The following DENND2B variants were observed in gnomAD, a reference collection of about 807,000 sequenced individuals.
DENND2B encodes DENN domain-containing protein 2B.
Under a neutral mutation model 116.0 loss-of-function variants are expected in DENND2B, and 32 were observed. The observed-to-expected ratio is 0.28, with a 90% CI of 0.21 to 0.37. The LOEUF (loss-of-function observed/expected upper bound fraction) is 0.37. DENND2B is among the 10% of genes least tolerant of loss of function. DENND2B has a pLI of 1.00. For synonymous variants in DENND2B, 588 were observed against 583.9 expected (o/e 1.01, Z -0.10); for missense variants, 1,276 against 1,477.7 (o/e 0.86, Z 2.24).
intron 19 of DENND2B, 49 bp downstream of exon 19, chr11:8,695,414 C>A (rs1249579293): frequency 8.4e-6 from 13 of 1,543,766 alleles, no homozygotes; most frequent in Non-Finnish European, 1.1e-5. Context: ...ATCTCCCAGC[C>A]CCTTCCTTCT....
At chr11:8,711,586 G>T (rs1838845830) in intron 9 of DENND2B, among the ~76,000 whole-genome samples, 1 of 152,076 alleles carries the variant, frequency 6.6e-6, no homozygotes, top group Non-Finnish European at 1.5e-5. Context: ...AAGCAGGGTG[G>T]CCGGGCGCGG....
chr11:8,859,340 C>G (rs1159851628), intron 2 of DENND2B, among the ~76,000 whole-genome samples: 1 of 152,102 alleles, frequency 6.6e-6, no homozygotes, highest in African/African-American at 2.4e-5. Context: ...CAGAGTCTCC[C>G]TCTCTCGCCC....
intron 4 of DENND2B, among the ~76,000 whole-genome samples, chr11:8,824,853 A>ATT (rs371924172): frequency 0.23 from 29,863 of 130,104 alleles, 3,965 homozygotes; most frequent in Middle Eastern, 0.38. Flanking sequence ...ACACCCAGCT[A>ATT]TTTTTTTTTT....
chr11:8,886,338 C>G (rs1300668421), intron 1 of DENND2B, among the ~76,000 whole-genome samples: 1 of 152,024 alleles, frequency 6.6e-6, no homozygotes, highest in African/African-American at 2.4e-5. Flanking sequence ...TTTAAAGACA[C>G]AAAGATTTTC....
intron 4 of DENND2B, among the ~76,000 whole-genome samples, chr11:8,825,853 T>C (rs945240442): frequency 1.3e-5 from 2 of 152,136 alleles, no homozygotes; most frequent in African/African-American, 4.8e-5. Flanking sequence ...GATTTTGAGT[T>C]TAGCTGACAA....
intron 1 of DENND2B, among the ~76,000 whole-genome samples, chr11:8,777,306 G>C (rs16905816): frequency 0.079 from 12,017 of 152,248 alleles, 1,447 homozygotes; most frequent in African/African-American, 0.26. Context: ...AGACAGACTT[G>C]TAAGCTCAAC....
intron 2 of DENND2B, among the ~76,000 whole-genome samples, chr11:8,864,389 C>T (rs2063507530): frequency 6.6e-6 from 1 of 152,092 alleles, no homozygotes; most frequent in African/African-American, 2.4e-5. Context: ...CATCTCAGCC[C>T]ACCGTTTAGC....
Position 8,885,221 on chromosome 11 carries a change from A to C in DENND2B, c.-255-4112T>G, listed in dbSNP as rs181777273. Among the ~76,000 whole-genome samples the C allele has an allele frequency of 1.4e-4, 22 of 152,376 alleles. No individual in the cohort carries two copies. The East Asian group carries it at 4.2e-3, about 29-fold the overall frequency. On this transcript the variant is annotated intron_variant, in intron 1 of 22. Transcript: ENST00000534127. The stretch of plus-strand genomic sequence containing the variant: ...TGACCCCAGGCCTAGGCCTGATCAC[A>C]AACTAAATTATTCTCTTGCCACCTG...
chr11:8,869,143 TTC>T (rs1042962687), intron 2 of DENND2B, among the ~76,000 whole-genome samples: 2 of 152,208 alleles, frequency 1.3e-5, no homozygotes, highest in African/African-American at 4.8e-5. Flanking sequence ...CAAATGTCAC[TTC>T]TCTTTCCCCA....
rs554650047 is a variant in DENND2B, at chr11:8,730,102, G to A, written c.1188C>T (p.Tyr396=). 2.5e-6 allele frequency: 4 copies of A among 1,614,212 alleles called. No homozygotes were observed. The South Asian group carries it at 3.3e-5, about 13-fold the overall frequency. ...PVPKPKRTFE[Y]EADKNPKSKP... ...TACTCTTGGGGTTCTTGTCAGCCTC[G>A]TATTCAAAGGTGCGCTTGGGTTTGG... Residue 396 remains tyrosine (Y), a synonymous_variant, in exon 3 of 20, where the codon TAC becomes TAT. Coordinates refer to ENST00000313726, the MANE Select transcript of DENND2B (RefSeq NM_213618.2). The surrounding 1 kb of genome is among the most constrained non-coding windows in gnomAD (Gnocchi z 4.1).
At chr11:8,888,974 TTGG>T (rs1357050231) in intron 1 of DENND2B, among the ~76,000 whole-genome samples, 36 of 152,292 alleles carry the variant, frequency 2.4e-4, no homozygotes, top group African/African-American at 7.9e-4. Context: ...TTGTACACTC[TTGG>T]TGGGAATATA....
At chr11:8,824,005 C>T (rs1258653318) in intron 4 of DENND2B, among the ~76,000 whole-genome samples, 1 of 151,136 alleles carries the variant, frequency 6.6e-6, no homozygotes, top group Non-Finnish European at 1.5e-5. Flanking sequence ...CGGGTTCAAG[C>T]GATTCTCCTG....
In DENND2B at chr11:8,751,393, C is replaced by T. The variant is rs542001062; in HGVS notation, c.-25-668G>A. ...AGATAAGGGAATAAAAGCAGGCTGC[C>T]CAAGCCAGCAGTGGCAACCCACTCG... On this transcript the variant is annotated intron_variant, in intron 1 of 19. Transcript: ENST00000313726. Among the ~76,000 whole-genome samples, 4 of 152,126 alleles carry T rather than the reference C, an allele frequency of 2.6e-5. No individual in the cohort carries two copies. In the South Asian group the frequency reaches 6.2e-4, roughly 24 times the overall value.
chr11:8,857,979 C>G (rs1280270929), intron 2 of DENND2B, among the ~76,000 whole-genome samples: 1 of 152,238 alleles, frequency 6.6e-6, no homozygotes, highest in African/African-American at 2.4e-5. Flanking sequence ...CTTCAGCCCA[C>G]ACTATTCTGT....
At chr11:8,876,203 T>C (rs1207254440), upstream of DENND2B, among the ~76,000 whole-genome samples, 2 of 152,038 alleles carry the variant, frequency 1.3e-5, no homozygotes, top group East Asian at 1.9e-4. Context: ...CTGGGCAACA[T>C]AGCAAGACCC....
chr11:8,789,091 A>T (rs1019852957), intron 1 of DENND2B, among the ~76,000 whole-genome samples: 31 of 152,248 alleles, frequency 2.0e-4, no homozygotes, highest in African/African-American at 7.0e-4. Flanking sequence ...ACACTTCTGA[A>T]AGGCCTTTTG....
chr11:8,760,626 A>C (rs1427259176), intron 1 of DENND2B, among the ~76,000 whole-genome samples: 3 of 152,170 alleles, frequency 2.0e-5, no homozygotes, highest in Admixed American at 6.5e-5. Context: ...AGAAGAAAAA[A>C]AGAGAAGAGA....
At chr11:8,698,873 G>A (rs2040947628) in intron 16 of DENND2B, 60 bp downstream of exon 16, 2 of 1,581,580 alleles carry the variant, frequency 1.3e-6, no homozygotes, top group Non-Finnish European at 1.7e-6. Flanking sequence ...AGGTTGAGTA[G>A]TGTGTGTGAT....
chr11:8,766,560 G>A (rs1362058968), intron 1 of DENND2B: 1 of 1,213,732 alleles, frequency 8.2e-7, no homozygotes. Flanking sequence ...TGGGAACCAA[G>A]GAGAGGGCTT....
Sources: allele counts gnomAD v4.1 joint callset (sites outside exome capture counted in the v4.1 genomes callset), GRCh38; gene constraint gnomAD v4.1.1; non-coding constraint Gnocchi (gnomAD v3.1); transcripts MANE v1.5; gene names NCBI Gene and HGNC (gene_info 2026-07-23, HGNC 2026-07-21).